The following HMGB1 variants were observed in gnomAD, a reference collection of about 807,000 sequenced individuals.
HMGB1 encodes high mobility group protein B1.
For synonymous variants in HMGB1, 81 were observed against 84.0 expected (o/e 0.96, Z 0.19); for missense variants, 79 against 253.5 (o/e 0.31, Z 4.67).
intron 1 of HMGB1, chr13:30,554,344 C>A: frequency 3.4e-6 from 3 of 882,222 alleles, no homozygotes; most frequent in Non-Finnish European, 5.9e-6. Context: ...GCACGGGCAC[C>A]TTCTCTCTGG....
intron 1 of HMGB1, among the ~76,000 whole-genome samples, chr13:30,577,863 C>A (rs1211754893): frequency 2.0e-5 from 3 of 152,176 alleles, no homozygotes; most frequent in Non-Finnish European, 4.4e-5. Context: ...CAAGGCTGCC[C>A]ACATCATCCT....
chr13:30,482,901 C>T (rs1448224951), intron 1 of HMGB1, among the ~76,000 whole-genome samples: 4 of 152,024 alleles, frequency 2.6e-5, no homozygotes, highest in Non-Finnish European at 5.9e-5. Flanking sequence ...CATCCTCATG[C>T]CTCAGCCTCC....
intron 1 of HMGB1, among the ~76,000 whole-genome samples, chr13:30,508,018 T>C (rs1887907357): frequency 6.7e-6 from 1 of 149,950 alleles, no homozygotes; most frequent in Non-Finnish European, 1.5e-5. Context: ...AAATAATTAA[T>C]GAGAGCCAGA....
At chr13:30,489,971 CTGCCCCGGCCTCCCAGAATGT>C (rs748580317) in intron 1 of HMGB1, among the ~76,000 whole-genome samples, 30 of 148,986 alleles carry the variant, frequency 2.0e-4, no homozygotes, top group Non-Finnish European at 4.4e-4. Flanking sequence ...AGTGATCCGC[CTGCCCCGGCCTCCCAGAATGT>C]TGGGATTACA....
At chr13:30,554,132 A>C in intron 1 of HMGB1, 2 of 1,260,058 alleles carry the variant, frequency 1.6e-6, no homozygotes, top group Non-Finnish European at 2.3e-6. Flanking sequence ...GTCATATTAC[A>C]CAGTACATCT....
At chr13:30,492,329 A>T (rs527303978) in intron 1 of HMGB1, among the ~76,000 whole-genome samples, 3 of 152,170 alleles carry the variant, frequency 2.0e-5, no homozygotes, top group Non-Finnish European at 4.4e-5. Context: ...TCTCAAAAAA[A>T]AATTATTCAT....
At chr13:30,543,043 T>C (rs1433818717) in intron 1 of HMGB1, 1 of 152,114 alleles carries the variant, frequency 6.6e-6, no homozygotes, top group Non-Finnish European at 1.5e-5. Context: ...CATTCAGCTA[T>C]GTGGGTTTTC....
At chr13:30,492,994 CAA>C (rs1022752871) in intron 1 of HMGB1, among the ~76,000 whole-genome samples, 2 of 40,424 alleles carry the variant, frequency 4.9e-5, no homozygotes, top group Admixed American at 2.7e-4. Context: ...GACTACATCT[CAA>C]AAAAAAAAAA....
At chr13:30,473,444 TGATCTAAGTTCAGAAAA>T (rs1886995612) in intron 1 of HMGB1, among the ~76,000 whole-genome samples, 2 of 152,188 alleles carry the variant, frequency 1.3e-5, no homozygotes, top group South Asian at 4.1e-4. Context: ...TACAGAAAGG[TGATCTAAGTTCAGAAAA>T]GATCCCTATA....
chr13:30,477,270 C>T (rs1338452580), intron 1 of HMGB1, among the ~76,000 whole-genome samples: 8 of 147,942 alleles, frequency 5.4e-5, no homozygotes, highest in African/African-American at 7.7e-5. Context: ...ACCATTGTTG[C>T]GATGGACTCC....
chr13:30,571,497 T>C (rs954120639), intron 1 of HMGB1, among the ~76,000 whole-genome samples: 15 of 152,132 alleles, frequency 9.9e-5, no homozygotes, highest in African/African-American at 3.6e-4. Flanking sequence ...GGTTTCACCA[T>C]GCTGGCCAGG....
intron 3 of HMGB1, 135 bp from the exon 4 acceptor site, chr13:30,462,847 T>C (rs1489293675): frequency 4.4e-6 from 3 of 688,426 alleles, no homozygotes; most frequent in Non-Finnish European, 7.4e-6. Flanking sequence ...AATACTATAA[T>C]ATACTAAATA....
intron 1 of HMGB1, chr13:30,554,320 C>T (rs765191388): frequency 6.3e-5 from 63 of 1,005,920 alleles, no homozygotes; most frequent in African/African-American, 2.1e-4. Flanking sequence ...TCCATTGTAG[C>T]GAAGGCACTG....
At chr13:30,527,812 T>C in intron 1 of HMGB1, among the ~76,000 whole-genome samples, 1 of 152,070 alleles carries the variant, frequency 6.6e-6, no homozygotes, top group Middle Eastern at 3.2e-3. Context: ...TATAGCCAAA[T>C]GTTTAGTGAA....
In HMGB1 at chr13:30,586,413, C is replaced by T. The variant is rs145623069; in HGVS notation, c.-15+30258G>A. 1.8e-3 allele frequency among the ~76,000 whole-genome samples: 270 copies of T among 150,614 alleles called. 1 individual carries two copies. The highest frequency in any genetic ancestry group is 2.9e-3 in the Non-Finnish European group (199 of 67,740). On this transcript the variant is annotated intron_variant, in intron 1 of 4. Coordinates refer to the HMGB1 transcript ENST00000405805. Reference sequence around the variant, plus strand: ...CTCCCCTTACTGTACTGCTCCTGGGCGATGTCAATCAGTCCCATTGCTTTA... The same window carrying T: ...CTCCCCTTACTGTACTGCTCCTGGGTGATGTCAATCAGTCCCATTGCTTTA...
intron 1 of HMGB1, among the ~76,000 whole-genome samples, chr13:30,519,741 T>G (rs1255261465): frequency 1.3e-5 from 2 of 152,018 alleles, no homozygotes; most frequent in African/African-American, 4.8e-5. Flanking sequence ...AGATGTCACA[T>G]TGAACTTAGA....
At chr13:30,603,092 C>T (rs1950419305) in intron 1 of HMGB1, among the ~76,000 whole-genome samples, 1 of 152,200 alleles carries the variant, frequency 6.6e-6, no homozygotes, top group African/African-American at 2.4e-5. Context: ...CAGGTATAAG[C>T]CACCGTGCAG....
At position 30,507,987 on chromosome 13, in the gene HMGB1, ACT is replaced by A. The variant is rs1887906619; in HGVS notation, c.-14-44295_-14-44294del. Among the ~76,000 whole-genome samples, 6 of 152,114 alleles carry A rather than the reference ACT, an allele frequency of 3.9e-5. 1 individual carries two copies. In the South Asian group the frequency reaches 1.0e-3, roughly 26 times the overall value. On this transcript the variant is annotated intron_variant, in intron 1 of 4. Transcript: ENST00000405805. ...ATTCCAGCCTGGGCCACAGAGTGAG[ACT>A]CTCTCTCTAAAAAAGAAAAAATAAT...
At chr13:30,582,618 AC>A (rs976196415) in intron 1 of HMGB1, among the ~76,000 whole-genome samples, 6 of 152,002 alleles carry the variant, frequency 3.9e-5, no homozygotes, top group African/African-American at 1.2e-4. Flanking sequence ...AGCCTGGGTG[AC>A]AGAGCAAGAC....
Sources: gnomAD v4.1 joint callset for allele counts (sites outside exome capture counted in the v4.1 genomes callset) on GRCh38, gnomAD v4.1.1 for gene constraint, MANE v1.5 for transcripts, NCBI Gene and HGNC (gene_info 2026-07-23, HGNC 2026-07-21) for gene names.